The following HGD variants were observed in gnomAD, a reference collection of about 807,000 sequenced individuals.
The protein encoded by HGD is homogentisate oxidase.
Under a neutral mutation model 60.8 loss-of-function variants are expected in HGD, and 61 were observed. The observed-to-expected ratio is 1.00, with a 90% CI of 0.82 to 1.24. HGD has a LOEUF of 1.24. Ranked by LOEUF, HGD falls within the 50% of genes most tolerant of loss-of-function variation. The pLI is 0.00. For synonymous variants in HGD, 212 were observed against 187.7 expected, an observed-to-expected ratio of 1.13 and a Z score of -1.06; for missense variants, 542 against 547.1, an observed-to-expected ratio of 0.99 and a Z score of 0.09.
intron 6 of HGD, among the ~76,000 whole-genome samples, chr3:120,650,314 C>G (rs766028130): frequency 5.3e-5 from 8 of 152,182 alleles, no homozygotes; most frequent in Non-Finnish European, 1.0e-4. Context: ...TCTTATGCCT[C>G]CCTAAAATGT....
chr3:120,644,588 A>T (rs1941101425), intron 9 of HGD, 145 bp from the exon 10 acceptor site: 11 of 1,543,364 alleles, frequency 7.1e-6, no homozygotes, highest in Non-Finnish European at 9.6e-6. Flanking sequence ...CTGCATTTCC[A>T]GTCTGGTACC....
chr3:120,680,166 A>T (rs902573452), intron 1 of HGD, among the ~76,000 whole-genome samples: 4 of 152,226 alleles, frequency 2.6e-5, no homozygotes, highest in Non-Finnish European at 5.9e-5. Flanking sequence ...TTTCATTTTA[A>T]ATTTAATTTT....
In HGD at chr3:120,638,511, A is replaced by G; in HGVS notation, c.950T>C (p.Ile317Thr). Residue 317 changes from isoleucine (I) to threonine (T), a missense_variant, in exon 12 of 14, where the codon ATC becomes ACC. This residue lies in a region of HGD where 537 missense variants were observed against 529.1 expected (regional missense o/e 1.01). Coordinates refer to ENST00000283871, the MANE Select transcript of HGD (RefSeq NM_000187.4). ...AGCAACCCCCCATCGAGGTGGGAAG[A>G]TGACAAAATCAGCAATGGCCACTCC... ...RPGVAIADFV[I>T]FPPRWGVADK... The G allele has an allele frequency of 6.2e-7, 1 of 1,614,020 alleles. No homozygotes were observed. Among genetic ancestry groups the G allele is most frequent in the Non-Finnish European group, 8.5e-7 (1 of 1,179,938 alleles).
At chr3:120,635,259 C>T (rs546214083) in intron 12 of HGD, among the ~76,000 whole-genome samples, 42 of 152,102 alleles carry the variant, frequency 2.8e-4, no homozygotes, top group African/African-American at 8.2e-4. Context: ...GGGTGGATCA[C>T]GAGGTCAAGA....
chr3:120,633,731 A>T (rs1290089405), intron 12 of HGD: 2 of 548,122 alleles, frequency 3.6e-6, no homozygotes, highest in Non-Finnish European at 6.0e-6. Context: ...TTTCCCAAGT[A>T]GCTCCACTGT....
chr3:120,636,722 T>A (rs1419875832), intron 12 of HGD, among the ~76,000 whole-genome samples: 4 of 152,176 alleles, frequency 2.6e-5, no homozygotes, highest in Non-Finnish European at 4.4e-5. Context: ...GATGGTGCCA[T>A]CTGAAAAGGG....
In HGD at chr3:120,641,630, T is replaced by C. The variant is rs1197963189; in HGVS notation, c.838A>G (p.Lys280Glu). The C allele has an allele frequency of 6.2e-7, 1 of 1,613,970 alleles. No homozygotes were observed. Among genetic ancestry groups the C allele is most frequent in the East Asian group, 2.2e-5 (1 of 44,878 alleles). Residue 280 changes from lysine (K) to glutamate (E), a missense_variant, in exon 11 of 14, where the codon AAG becomes GAG. Physicochemically the swap from Lys to Glu is moderately conservative, Grantham distance 56 (BLOSUM62 1). Coordinates refer to ENST00000283871, the MANE Select transcript of HGD (RefSeq NM_000187.4). ...GNYTPYKYNL[K>E]NFMVINSVAF... ...ACTGAGTTGATAACCATGAAATTCT[T>C]CAGGTTGTACTTGTAGGGTGTATAA...
chr3:120,632,352 A>G (rs530555046), intron 13 of HGD, among the ~76,000 whole-genome samples: 1 of 152,226 alleles, frequency 6.6e-6, no homozygotes, highest in Non-Finnish European at 1.5e-5. Flanking sequence ...GATTTAGCAT[A>G]AAATTACTCC....
chr3:120,670,246 A>T lies in HGD; in HGVS notation c.282+181T>A, dbSNP rs982393324. 8 of 620,528 alleles carry T rather than the reference A, an allele frequency of 1.3e-5. No homozygotes were observed. In the Admixed American group the frequency reaches 2.2e-4, roughly 17 times the overall value. The allele number at this position is 620,528 out of a possible 1,614,324, so 38.4% of individuals were successfully genotyped here. On this transcript the variant is annotated intron_variant, in intron 4 of 13. Coordinates refer to ENST00000283871, the MANE Select transcript of HGD (RefSeq NM_000187.4). Reference sequence around the variant, plus strand: ...CCAGTCTTGGTTATTTTTTCATAGCAGCATGAGAATGGACTAATACACCAC... The same window carrying T: ...CCAGTCTTGGTTATTTTTTCATAGCTGCATGAGAATGGACTAATACACCAC...
chr3:120,636,045 T>C (rs1007803643), intron 12 of HGD, among the ~76,000 whole-genome samples: 2 of 146,308 alleles, frequency 1.4e-5, no homozygotes, highest in Non-Finnish European at 3.0e-5. Flanking sequence ...TCAAGGCAGG[T>C]GGATTGCTTG....
intron 4 of HGD, among the ~76,000 whole-genome samples, chr3:120,670,082 C>T (rs144251325): frequency 0.022 from 3,363 of 152,240 alleles, 81 homozygotes; most frequent in South Asian, 0.067. Flanking sequence ...TTCCCCCTTT[C>T]ACTTAACACT....
intron 2 of HGD, 95 bp downstream of exon 2, chr3:120,675,697 T>G (rs1708114193): frequency 2.2e-6 from 2 of 901,438 alleles, no homozygotes; most frequent in South Asian, 1.3e-5. Flanking sequence ...CAGGCTAGAT[T>G]GGAAGAGCCA....
chr3:120,673,976 T>C (rs936111524), intron 3 of HGD, among the ~76,000 whole-genome samples: 1 of 152,206 alleles, frequency 6.6e-6, no homozygotes, highest in East Asian at 1.9e-4. Flanking sequence ...GATTTATACT[T>C]AGGGGGCCTG....
chr3:120,630,835 C>CACAT, intron 13 of HGD, among the ~76,000 whole-genome samples: 1 of 76,606 alleles, frequency 1.3e-5, no homozygotes, highest in Admixed American at 1.3e-4. Flanking sequence ...TACACATACA[C>CACAT]ACACACATAC....
intron 4 of HGD, chr3:120,670,157 T>A: frequency 4.2e-6 from 2 of 472,820 alleles, no homozygotes; most frequent in Non-Finnish European, 7.7e-6. Flanking sequence ...ATTGTAAGTT[T>A]CTTGAGGCCT....
chr3:120,651,512 T>A (rs1559790711), intron 5 of HGD, among the ~76,000 whole-genome samples: 2 of 152,298 alleles, frequency 1.3e-5, no homozygotes, highest in South Asian at 4.1e-4. Flanking sequence ...AGAAAGGAGA[T>A]GGGGATATCA....
At chr3:120,659,015 G>A (rs1286148238) in intron 4 of HGD, among the ~76,000 whole-genome samples, 3 of 152,230 alleles carry the variant, frequency 2.0e-5, no homozygotes, top group African/African-American at 7.2e-5. Flanking sequence ...CTCTGGGCCT[G>A]TGATGGGATG....
intron 4 of HGD, among the ~76,000 whole-genome samples, chr3:120,656,388 T>C (rs747957174): frequency 2.0e-5 from 3 of 152,236 alleles, no homozygotes; most frequent in Non-Finnish European, 2.9e-5. Flanking sequence ...TTCTTCTCTA[T>C]AGAATTTACT....
At chr3:120,642,709 G>A (rs1941026885) in intron 10 of HGD, among the ~76,000 whole-genome samples, 1 of 152,220 alleles carries the variant, frequency 6.6e-6, no homozygotes, top group African/African-American at 2.4e-5. Flanking sequence ...CTACCCAACA[G>A]GAACTGAGGT....
Sources: allele counts gnomAD v4.1 joint callset (sites outside exome capture counted in the v4.1 genomes callset), GRCh38; gene constraint gnomAD v4.1.1; regional missense constraint gnomAD v4.1.1; transcripts MANE v1.5; gene names NCBI Gene and HGNC (gene_info 2026-07-23, HGNC 2026-07-21).